CACNA1A: variants seen among roughly 807,000 people sequenced by gnomAD.
CACNA1A encodes the protein voltage-dependent P/Q-type calcium channel subunit alpha-1A.
A neutral mutation model predicts 262.4 loss-of-function variants in CACNA1A; 57 were observed. The ratio of observed to expected loss-of-function variants is 0.22; its 90% CI spans 0.18 to 0.27. The LOEUF (loss-of-function observed/expected upper bound fraction) is 0.27, where lower values mean the gene tolerates loss of function less well. Among genes scored for constraint, CACNA1A ranks in the 10% least tolerant of loss-of-function variants. CACNA1A has a pLI of 1.00. For synonymous variants in CACNA1A, 1,431 were observed against 1,419.3 expected (o/e 1.01, Z -0.18); for missense variants, 2,526 against 3,562.8 (o/e 0.71, Z 7.41).
At chr19:13,504,605 A>C (rs1022964440) in intron 1 of CACNA1A, among the ~76,000 whole-genome samples, 1 of 152,022 alleles carries the variant, frequency 6.6e-6, no homozygotes, top group Non-Finnish European at 1.5e-5. Flanking sequence ...AACCACATAC[A>C]AAAGGGATAG....
intron 3 of CACNA1A, among the ~76,000 whole-genome samples, chr19:13,416,424 G>A (rs1359726501): frequency 6.6e-6 from 1 of 152,182 alleles, no homozygotes; most frequent in Non-Finnish European, 1.5e-5. Flanking sequence ...GCTCATGCCT[G>A]TAATCCTAGC....
chr19:13,448,692 T>A (rs1283990272), intron 3 of CACNA1A, among the ~76,000 whole-genome samples: 2 of 152,168 alleles, frequency 1.3e-5, no homozygotes, highest in African/African-American at 4.8e-5. Flanking sequence ...GTTCCACTCC[T>A]GGGTACGTGC....
intron 3 of CACNA1A, among the ~76,000 whole-genome samples, chr19:13,402,330 G>A (rs1304931935): frequency 1.3e-5 from 2 of 152,128 alleles, no homozygotes; most frequent in African/African-American, 4.8e-5. Flanking sequence ...CAGCATCTCA[G>A]GCCAAAGAAT....
At chr19:13,366,628 A>G (rs1039047847) in intron 4 of CACNA1A, among the ~76,000 whole-genome samples, 1 of 152,158 alleles carries the variant, frequency 6.6e-6, no homozygotes, top group Non-Finnish European at 1.5e-5. Context: ...GGTATTTGAC[A>G]TGCTGTTCCA....
At chr19:13,454,570 C>T (rs2060972975) in intron 2 of CACNA1A, among the ~76,000 whole-genome samples, 3 of 152,046 alleles carry the variant, frequency 2.0e-5, no homozygotes, top group African/African-American at 7.2e-5. Context: ...CGGGCTTTCA[C>T]CATGTTGGTC....
At chr19:13,307,532 C>A in intron 15 of CACNA1A, 1 of 451,272 alleles carries the variant, frequency 2.2e-6, no homozygotes. Context: ...CCGTACCTGG[C>A]CAAAGTGCTG....
At chr19:13,280,058 C>T (rs2057253017) in intron 22 of CACNA1A, among the ~76,000 whole-genome samples, 1 of 152,210 alleles carries the variant, frequency 6.6e-6, no homozygotes. Flanking sequence ...ATCCACCCGC[C>T]TTGGCCTCCC....
chr19:13,207,594 CG>C lies in CACNA1A; in HGVS notation c.7239del (p.Asp2414ThrfsTer194). On this transcript the variant is annotated frameshift_variant, in exon 47 of 47. Coordinates refer to ENST00000360228, the MANE Select transcript of CACNA1A (RefSeq NM_001127222.2). LOFTEE classifies it high-confidence loss of function. This position sits in a 1 kb window ranked among gnomAD's most constrained non-coding sequence, Gnocchi z 5.7. The stretch of plus-strand genomic sequence containing the variant: ...CCCGGGCCATCGGCCTCGTCGTAGT[CG>C]GAGCCCCGGTAGTAGCCATGGTGCC... ...GPRHHGYYRG[S>X]DYDEADGPGS... The C allele has an allele frequency of 6.7e-7, 1 of 1,481,742 alleles. No homozygotes were observed. Among genetic ancestry groups the C allele is most frequent in the Non-Finnish European group, 9.0e-7 (1 of 1,116,400 alleles). 91.8% of individuals were successfully genotyped at this position (1,481,742 alleles called of 1,614,324 possible).
chr19:13,457,750 G>C (rs1193186343), intron 1 of CACNA1A, among the ~76,000 whole-genome samples: 1 of 152,020 alleles, frequency 6.6e-6, no homozygotes, highest in Non-Finnish European at 1.5e-5. Context: ...CTACTCAGGA[G>C]GCTGAGGCAG....
chr19:13,352,005 A>T (rs1455303704), intron 6 of CACNA1A, among the ~76,000 whole-genome samples: 1 of 152,174 alleles, frequency 6.6e-6, no homozygotes, highest in Non-Finnish European at 1.5e-5. Context: ...CTCTCTCGAC[A>T]GATTATGTAA....
At chr19:13,422,271 T>C (rs2060327973) in intron 3 of CACNA1A, among the ~76,000 whole-genome samples, 1 of 152,150 alleles carries the variant, frequency 6.6e-6, no homozygotes, top group Non-Finnish European at 1.5e-5. Context: ...CAGTGAGCTG[T>C]GACTGTACCA....
intron 19 of CACNA1A, among the ~76,000 whole-genome samples, chr19:13,291,801 T>G (rs1283943079): frequency 6.7e-6 from 1 of 150,160 alleles, no homozygotes; most frequent in Non-Finnish European, 1.5e-5. Flanking sequence ...AGCAAGACTG[T>G]TTTTTTTTAA....
At chr19:13,378,808 T>C (rs138172317) in intron 3 of CACNA1A, among the ~76,000 whole-genome samples, 82 of 151,614 alleles carry the variant, frequency 5.4e-4, no homozygotes, top group African/African-American at 1.8e-3. Flanking sequence ...GCTGGGCTTA[T>C]AGGTGTGCAC....
At chr19:13,331,966 C>A (rs2058476580) in intron 9 of CACNA1A, among the ~76,000 whole-genome samples, 1 of 152,206 alleles carries the variant, frequency 6.6e-6, no homozygotes, top group African/African-American at 2.4e-5. Context: ...CCGCATCCAA[C>A]CCTATCTCTA....
chr19:13,496,679 T>C (rs558274483), intron 1 of CACNA1A, among the ~76,000 whole-genome samples: 63 of 151,928 alleles, frequency 4.1e-4, no homozygotes, highest in South Asian at 1.9e-3. Context: ...ATCAAGGGAG[T>C]TGAGAGACTT....
intron 3 of CACNA1A, among the ~76,000 whole-genome samples, chr19:13,410,234 C>CT (rs61281364): frequency 0.05 from 7,397 of 148,112 alleles, 613 homozygotes; most frequent in African/African-American, 0.17. Flanking sequence ...GGTCTCCCAT[C>CT]TTTTTTTTTT....
At chr19:13,295,732 C>T (rs924998742) in intron 19 of CACNA1A, among the ~76,000 whole-genome samples, 3 of 151,990 alleles carry the variant, frequency 2.0e-5, no homozygotes, top group Admixed American at 6.6e-5. Context: ...TGGCCTCAAG[C>T]GATTCTCCTT....
rs372789291 is a variant in CACNA1A, at chr19:13,330,521, A to C, written c.1256-188T>G. Among the ~76,000 whole-genome samples, 4 of 152,282 alleles carry C rather than the reference A, an allele frequency of 2.6e-5. 1 individual carries two copies. Among genetic ancestry groups the C allele is most frequent in the African/African-American group, 9.6e-5 (4 of 41,548 alleles). On this transcript the variant is annotated intron_variant, in intron 9 of 46. Transcript: ENST00000360228. ...CACTATCACTTTGCTTAAAGGGGTA[A>C]AGACAAGAATCAAGTCGGGTTCAGT...
chr19:13,381,123 G>A (rs909361216), intron 3 of CACNA1A, among the ~76,000 whole-genome samples: 5 of 152,126 alleles, frequency 3.3e-5, no homozygotes, highest in Non-Finnish European at 7.4e-5. Flanking sequence ...AAAAGCTCCT[G>A]CCTGTAATCT....
Sources: gnomAD v4.1 joint callset for allele counts (sites outside exome capture counted in the v4.1 genomes callset) on GRCh38, gnomAD v4.1.1 for gene constraint, Gnocchi (gnomAD v3.1) non-coding constraint, MANE v1.5 for transcripts, NCBI Gene and HGNC (gene_info 2026-07-23, HGNC 2026-07-21) for gene names.